Variants in TTC28 observed in about 807,000 individuals in gnomAD.
TTC28 encodes the protein tetratricopeptide repeat domain 28.
Under a neutral mutation model 198.0 loss-of-function variants are expected in TTC28, and 61 were observed. That is an observed-to-expected ratio of 0.31 (90% confidence interval 0.25 to 0.38). The LOEUF (loss-of-function observed/expected upper bound fraction) is 0.38. Among genes scored for constraint, TTC28 ranks in the 10% least tolerant of loss-of-function variants. The pLI is 1.00. For missense variants in TTC28, 2,678 were observed against 3,164.0 expected, an observed-to-expected ratio of 0.85 and a Z score of 3.69; for synonymous variants, 1,171 against 1,297.8, an observed-to-expected ratio of 0.90 and a Z score of 2.10.
intron 12 of TTC28, among the ~76,000 whole-genome samples, chr22:28,092,082 T>C (rs1251011691): frequency 1.3e-5 from 2 of 152,238 alleles, no homozygotes; most frequent in East Asian, 3.8e-4. Context: ...TCAGGTCCCA[T>C]GCTTCTTGTC....
At chr22:28,386,103 C>T (rs1156834000) in intron 2 of TTC28, among the ~76,000 whole-genome samples, 5 of 150,640 alleles carry the variant, frequency 3.3e-5, no homozygotes, top group Admixed American at 6.6e-5. Flanking sequence ...GGTGAAACCC[C>T]GTCTCTACTA....
intron 1 of TTC28, among the ~76,000 whole-genome samples, chr22:28,663,516 G>C (rs1443645550): frequency 7.2e-6 from 1 of 138,714 alleles, no homozygotes. Context: ...TTCCCTTTCC[G>C]AGTCAAAGAA....
chr22:28,180,564 A>C (rs1923602573), intron 5 of TTC28, among the ~76,000 whole-genome samples: 1 of 151,628 alleles, frequency 6.6e-6, no homozygotes, highest in Non-Finnish European at 1.5e-5. Context: ...AGAATCCCAA[A>C]ATATGTACAT....
chr22:28,270,295 G>T (rs1479261436), intron 5 of TTC28, among the ~76,000 whole-genome samples: 1 of 152,084 alleles, frequency 6.6e-6, no homozygotes, highest in East Asian at 1.9e-4. Context: ...TTTAAAAAGA[G>T]CAAATATTGC....
intron 2 of TTC28, among the ~76,000 whole-genome samples, chr22:28,460,709 G>A (rs1409208458): frequency 6.6e-6 from 1 of 151,750 alleles, no homozygotes; most frequent in Non-Finnish European, 1.5e-5. Context: ...ATTGAGATGG[G>A]GTCTCACTTT....
intron 6 of TTC28, among the ~76,000 whole-genome samples, chr22:28,142,811 G>T (rs1943372596): frequency 2.0e-5 from 3 of 152,144 alleles, no homozygotes; most frequent in African/African-American, 7.2e-5. Context: ...AGCCAAAAAT[G>T]ATACAATAGG....
chr22:28,155,971 TAG>T (rs780195956), intron 6 of TTC28, among the ~76,000 whole-genome samples: 3 of 152,148 alleles, frequency 2.0e-5, no homozygotes, highest in Non-Finnish European at 2.9e-5. Flanking sequence ...ACTGGGCAGC[TAG>T]GATGGTGCAA....
chr22:28,455,600 G>A (rs183022088), intron 2 of TTC28, among the ~76,000 whole-genome samples: 224 of 152,030 alleles, frequency 1.5e-3, no homozygotes, highest in African/African-American at 5.2e-3. Flanking sequence ...TGTAATCCTA[G>A]CTACTTGGAA....
At chr22:28,397,573 C>G (rs1035389554) in intron 2 of TTC28, among the ~76,000 whole-genome samples, 5 of 152,168 alleles carry the variant, frequency 3.3e-5, no homozygotes, top group Non-Finnish European at 2.9e-5. Flanking sequence ...ACGGATGCTT[C>G]TGATAGACAT....
At chr22:28,443,825 G>A (rs1007646908) in intron 2 of TTC28, among the ~76,000 whole-genome samples, 2 of 152,028 alleles carry the variant, frequency 1.3e-5, no homozygotes, top group African/African-American at 4.8e-5. Flanking sequence ...AAACACCTAA[G>A]CGGTCAGGAA....
At chr22:28,234,771 C>T (rs1929105580) in intron 5 of TTC28, among the ~76,000 whole-genome samples, 1 of 152,070 alleles carries the variant, frequency 6.6e-6, no homozygotes, top group Non-Finnish European at 1.5e-5. Context: ...GAGTAAAATT[C>T]CTGAATCCTC....
chr22:28,343,646 A>G (rs2045866131), intron 2 of TTC28, among the ~76,000 whole-genome samples: 1 of 152,146 alleles, frequency 6.6e-6, no homozygotes, highest in Non-Finnish European at 1.5e-5. Context: ...GATTTGTAGA[A>G]TGTGACACTG....
chr22:28,526,548 A>C (rs914893634), intron 2 of TTC28, among the ~76,000 whole-genome samples: 1 of 152,198 alleles, frequency 6.6e-6, no homozygotes, highest in African/African-American at 2.4e-5. Flanking sequence ...CATACAGTGT[A>C]GGACAGCTAG....
intron 2 of TTC28, among the ~76,000 whole-genome samples, chr22:28,390,037 G>A (rs1327580639): frequency 6.7e-6 from 1 of 150,172 alleles, no homozygotes; most frequent in Non-Finnish European, 1.5e-5. Flanking sequence ...ATTCTGGTAT[G>A]TTGTGTCTTT....
At chr22:28,400,660 A>C (rs1459957756) in intron 2 of TTC28, among the ~76,000 whole-genome samples, 2 of 152,230 alleles carry the variant, frequency 1.3e-5, no homozygotes, top group Non-Finnish European at 2.9e-5. Context: ...GCCTTTTCCC[A>C]ATCTGGAAGA....
At chr22:28,604,297 TTATATA>T (rs35077140) in intron 2 of TTC28, among the ~76,000 whole-genome samples, 9 of 114,132 alleles carry the variant, frequency 7.9e-5, no homozygotes, top group East Asian at 6.6e-4. Context: ...AAAAAAAAAA[TTATATA>T]TATATATATA....
intron 2 of TTC28, among the ~76,000 whole-genome samples, chr22:28,422,502 G>C (rs1012225865): frequency 2.0e-5 from 3 of 151,222 alleles, no homozygotes; most frequent in Non-Finnish European, 2.9e-5. Context: ...GCAGTGGCGC[G>C]ATCTCGGTTC....
chr22:28,593,717 A>T (rs1306190380), intron 2 of TTC28, among the ~76,000 whole-genome samples: 1 of 152,218 alleles, frequency 6.6e-6, no homozygotes. Context: ...ATTTTATTGT[A>T]TAAGTATGTA....
chr22:28,586,510 C>T (rs890328023), intron 2 of TTC28, among the ~76,000 whole-genome samples: 4 of 151,972 alleles, frequency 2.6e-5, no homozygotes, highest in South Asian at 2.1e-4. Flanking sequence ...CAAATGTATA[C>T]ATATTTATAG....
Sources: gnomAD v4.1 joint callset for allele counts (sites outside exome capture counted in the v4.1 genomes callset) on GRCh38, gnomAD v4.1.1 for gene constraint, MANE v1.5 for transcripts, NCBI Gene and HGNC (gene_info 2026-07-23, HGNC 2026-07-21) for gene names.